Variants in SLAMF9 observed in about 807,000 individuals in gnomAD.
The protein encoded by SLAMF9 is SLAM family member 9.
SLAMF9 carries 25 observed loss-of-function variants against 30.4 expected under a neutral mutation model. The observed-to-expected ratio is 0.82, with a 90% CI of 0.60 to 1.15. The LOEUF (loss-of-function observed/expected upper bound fraction) is 1.15, where lower values mean the gene tolerates loss of function less well. Ranked by LOEUF, SLAMF9 falls within the 50% of genes most tolerant of loss-of-function variation. SLAMF9 has a pLI of 0.00. For missense variants in SLAMF9, 344 were observed against 346.1 expected (o/e 0.99, Z 0.05); for synonymous variants, 129 against 127.2 (o/e 1.01, Z -0.09).
At chr1:159,980,033 G>C in the SLAMF9 span, among the ~76,000 whole-genome samples, 1 of 152,194 alleles carries the variant, frequency 6.6e-6, no homozygotes, top group East Asian at 1.9e-4. Flanking sequence ...AGGAAAATTA[G>C]GGTCGGGGAG....
chr1:159,980,327 C>T, the SLAMF9 span, among the ~76,000 whole-genome samples: 1 of 152,222 alleles, frequency 6.6e-6, no homozygotes, highest in East Asian at 1.9e-4. Context: ...TTCCCCTCTG[C>T]CACATCCCCC....
intron 1 of SLAMF9, 118 bp downstream of exon 1, chr1:159,953,974 T>C: frequency 7.8e-7 from 1 of 1,274,916 alleles, no homozygotes; most frequent in Non-Finnish European, 1.1e-6. Context: ...TCCTTGTAAC[T>C]CCAGAAGAGC....
At chr1:159,979,653 G>A in the SLAMF9 span, among the ~76,000 whole-genome samples, 17 of 149,034 alleles carry the variant, frequency 1.1e-4, no homozygotes, top group East Asian at 2.9e-3. Flanking sequence ...AATAACGTAA[G>A]GCAATCTTTT....
the SLAMF9 span, among the ~76,000 whole-genome samples, chr1:159,960,401 G>T: frequency 1.5e-4 from 22 of 151,186 alleles, no homozygotes; most frequent in African/African-American, 5.1e-4. Context: ...ATGATGGAGT[G>T]CCCCATGAAG....
the SLAMF9 span, among the ~76,000 whole-genome samples, chr1:159,975,698 G>T: frequency 6.6e-6 from 1 of 152,214 alleles, no homozygotes; most frequent in African/African-American, 2.4e-5. Context: ...GCAAGAGAGA[G>T]AGGTGTCAGC....
At chr1:159,958,106 C>T (rs887065794), upstream of SLAMF9, among the ~76,000 whole-genome samples, 1 of 152,180 alleles carries the variant, frequency 6.6e-6, no homozygotes, top group Non-Finnish European at 1.5e-5. Flanking sequence ...TCTAGCTGTG[C>T]AAGACTGTCC....
At chr1:159,966,162 T>C in the SLAMF9 span, among the ~76,000 whole-genome samples, 2 of 152,188 alleles carry the variant, frequency 1.3e-5, no homozygotes, top group African/African-American at 4.8e-5. Context: ...CTTCTACAAA[T>C]TCAACTTTTT....
chr1:159,960,854 G>A, the SLAMF9 span, among the ~76,000 whole-genome samples: 11 of 152,310 alleles, frequency 7.2e-5, no homozygotes, highest in South Asian at 6.2e-4. Flanking sequence ...ATGTTGGTGA[G>A]TAAACGTGGA....
At chr1:159,958,901 CAGAAATGAGTACTGGTCTCGGTTT>C (rs1170362007), upstream of SLAMF9, among the ~76,000 whole-genome samples, 1 of 152,178 alleles carries the variant, frequency 6.6e-6, no homozygotes, top group Non-Finnish European at 1.5e-5. Flanking sequence ...GGTCTCAGTC[CAGAAATGAGTACTGGTCTCGGTTT>C]AGAAATGAGT....
At chr1:159,965,170 GAA>G in the SLAMF9 span, among the ~76,000 whole-genome samples, 1 of 152,186 alleles carries the variant, frequency 6.6e-6, no homozygotes, top group Non-Finnish European at 1.5e-5. Flanking sequence ...AGGAAAACGC[GAA>G]GCTTACATTA....
At chr1:159,979,527 A>G in the SLAMF9 span, among the ~76,000 whole-genome samples, 2 of 152,238 alleles carry the variant, frequency 1.3e-5, no homozygotes, top group African/African-American at 4.8e-5. Context: ...AGTGCTTTAA[A>G]TCAATCTGAG....
the SLAMF9 span, among the ~76,000 whole-genome samples, chr1:159,977,544 A>T: frequency 6.6e-6 from 1 of 152,234 alleles, no homozygotes; most frequent in Admixed American, 6.5e-5. Flanking sequence ...CAGTGACAGC[A>T]TCCTTCAGCT....
At chr1:159,982,518 C>T in the SLAMF9 span, among the ~76,000 whole-genome samples, 2 of 152,082 alleles carry the variant, frequency 1.3e-5, no homozygotes, top group Non-Finnish European at 2.9e-5. Context: ...CTGGACACAC[C>T]CAAGCAGAGG....
chr1:159,980,564 G>A, the SLAMF9 span: 1 of 151,590 alleles, frequency 6.6e-6, no homozygotes, highest in South Asian at 2.1e-4. Context: ...TTTTTCAGAT[G>A]GAGTTTCAAT....
chr1:159,976,975 AAAGAAG>A, the SLAMF9 span: 613 of 44,366 alleles, frequency 0.014, 13 homozygotes, highest in African/African-American at 0.026. Flanking sequence ...AGAAAGAAGG[AAAGAAG>A]GAAAGAAGGA....
rs148625770 is a variant in SLAMF9, at chr1:159,953,267, G to A, written c.391+42C>T. 753 of 1,527,470 alleles carry A rather than the reference G, an allele frequency of 4.9e-4. 3 individuals are homozygous for A. The Middle Eastern group carries it at 8.9e-3, about 18-fold the overall frequency. The allele number at this position is 1,527,470 out of a possible 1,614,324, so 94.6% of individuals were successfully genotyped here. A position where few individuals can be genotyped will look rare whatever the true frequency, so the allele number is the denominator to read the frequency against. On this transcript the variant is annotated intron_variant, in intron 2 of 3. Coordinates refer to ENST00000368093, the MANE Select transcript of SLAMF9 (RefSeq NM_033438.4). Reference sequence around the variant, plus strand: ...ACTCCATGGTGTGAGAAGCTCAGAAGAGCCCCCAAAACCAGCTTTATGGTT... The same window carrying A: ...ACTCCATGGTGTGAGAAGCTCAGAAAAGCCCCCAAAACCAGCTTTATGGTT...
the SLAMF9 span, among the ~76,000 whole-genome samples, chr1:159,960,152 C>T: frequency 2.0e-5 from 3 of 147,544 alleles, no homozygotes; most frequent in Non-Finnish European, 4.5e-5. Flanking sequence ...TCTCCTAATG[C>T]TATCCCTCCC....
chr1:159,979,576 CA>C, the SLAMF9 span, among the ~76,000 whole-genome samples: 2 of 148,308 alleles, frequency 1.3e-5, no homozygotes, highest in Admixed American at 6.7e-5. Flanking sequence ...GTACGGTAGA[CA>C]AAAAAAATAT....
At chr1:159,956,373 G>T (rs1439906118), upstream of SLAMF9, among the ~76,000 whole-genome samples, 1 of 152,142 alleles carries the variant, frequency 6.6e-6, no homozygotes, top group Non-Finnish European at 1.5e-5. Context: ...GTGAGGCTGA[G>T]GTGGGAGGAT....
Sources: gnomAD v4.1 joint callset for allele counts (sites outside exome capture counted in the v4.1 genomes callset) on GRCh38, gnomAD v4.1.1 for gene constraint, MANE v1.5 for transcripts, NCBI Gene and HGNC (gene_info 2026-07-23, HGNC 2026-07-21) for gene names.